TAMM41: variants seen among roughly 807,000 people sequenced by gnomAD.
The protein encoded by TAMM41 is TAM41 mitochondrial translocator assembly and maintenance homolog, also known as phosphatidate cytidylyltransferase, mitochondrial.
Under a neutral mutation model 44.1 loss-of-function variants are expected in TAMM41, and 36 were observed. That is an observed-to-expected ratio of 0.82 (90% CI 0.63 to 1.08). The LOEUF (loss-of-function observed/expected upper bound fraction) is 1.08. Among genes scored for constraint, TAMM41 ranks in the 50% least tolerant of loss-of-function variants. The pLI, the probability that TAMM41 is intolerant of heterozygous loss-of-function variation, is 0.00. For missense variants in TAMM41, 417 were observed against 404.3 expected (o/e 1.03, Z -0.27); for synonymous variants, 164 against 153.1 (o/e 1.07, Z -0.53).
the TAMM41 span, among the ~76,000 whole-genome samples, chr3:11,732,551 T>A: frequency 6.6e-6 from 1 of 152,142 alleles, no homozygotes; most frequent in African/African-American, 2.4e-5. Context: ...TCATTCGAAA[T>A]AGTGAAAAAA....
At chr3:11,781,048 A>G in the TAMM41 span, among the ~76,000 whole-genome samples, 34 of 152,276 alleles carry the variant, frequency 2.2e-4, no homozygotes, top group Middle Eastern at 3.4e-3. Context: ...ACTGTCTGGG[A>G]ACATTTTATT....
At chr3:11,829,229 T>C (rs2078882284) in intron 4 of TAMM41, among the ~76,000 whole-genome samples, 1 of 152,156 alleles carries the variant, frequency 6.6e-6, no homozygotes, top group Admixed American at 6.5e-5. Flanking sequence ...AACTTGTTTC[T>C]AAAAATAAAA....
intron 7 of TAMM41, among the ~76,000 whole-genome samples, chr3:11,793,083 A>AAAAATG (rs1553566249): frequency 7.5e-6 from 1 of 132,636 alleles, no homozygotes. Flanking sequence ...AAAAAAAAAA[A>AAAAATG]AGAGAGTGAA....
chr3:11,816,672 G>A (rs1178760526), intron 5 of TAMM41, among the ~76,000 whole-genome samples: 3 of 152,112 alleles, frequency 2.0e-5, no homozygotes, highest in South Asian at 2.1e-4. Context: ...AGGCTGAGGT[G>A]GGAGGATGGC....
At chr3:11,790,652 T>G (rs2077457667) in intron 7 of TAMM41, 71 bp from the exon 8 acceptor site, 4 of 1,357,650 alleles carry the variant, frequency 2.9e-6, no homozygotes, top group Non-Finnish European at 4.2e-6. Context: ...TTCAGTGACA[T>G]TCTGAGCAGA....
At chr3:11,788,121 T>G (rs2077427621), downstream of TAMM41, among the ~76,000 whole-genome samples, 1 of 152,090 alleles carries the variant, frequency 6.6e-6, no homozygotes, top group South Asian at 2.1e-4. Context: ...AGTCACTTCC[T>G]CTCCAGAGGC....
the TAMM41 span, among the ~76,000 whole-genome samples, chr3:11,772,324 G>A: frequency 2.4e-4 from 35 of 148,160 alleles, no homozygotes; most frequent in African/African-American, 5.0e-4. Flanking sequence ...CTCGTGATCC[G>A]CCCTCCTTGG....
chr3:11,736,884 G>T, the TAMM41 span, among the ~76,000 whole-genome samples: 1 of 152,212 alleles, frequency 6.6e-6, no homozygotes, highest in East Asian at 1.9e-4. Flanking sequence ...CCTCCCTGGG[G>T]CTAAGACACA....
At chr3:11,748,474 G>C in the TAMM41 span, among the ~76,000 whole-genome samples, 1 of 151,826 alleles carries the variant, frequency 6.6e-6, no homozygotes, top group East Asian at 1.9e-4. Flanking sequence ...GTACAGTGCA[G>C]TGGTGTAATC....
At chr3:11,743,333 C>A in the TAMM41 span, among the ~76,000 whole-genome samples, 1 of 119,580 alleles carries the variant, frequency 8.4e-6, no homozygotes, top group Non-Finnish European at 1.7e-5. Flanking sequence ...ACCTAATAAT[C>A]TCTTTTTTTT....
the TAMM41 span, among the ~76,000 whole-genome samples, chr3:11,753,374 C>T: frequency 1.5e-3 from 230 of 151,940 alleles, no homozygotes; most frequent in African/African-American, 5.3e-3. Flanking sequence ...GCAAAGGATG[C>T]AGTGAGCCAA....
the TAMM41 span, among the ~76,000 whole-genome samples, chr3:11,752,516 G>A: frequency 1.3e-5 from 2 of 151,124 alleles, no homozygotes; most frequent in South Asian, 2.1e-4. Flanking sequence ...TAGCTACAGA[G>A]TGCTGATTAG....
chr3:11,725,430 C>CCTT, the TAMM41 span, among the ~76,000 whole-genome samples: 106 of 70,646 alleles, frequency 1.5e-3, 2 homozygotes, highest in East Asian at 6.6e-3. Context: ...CTTCTTTCCT[C>CCTT]CTCCTCCTCC....
the TAMM41 span, among the ~76,000 whole-genome samples, chr3:11,750,018 T>C: frequency 6.6e-6 from 1 of 151,442 alleles, no homozygotes; most frequent in African/African-American, 2.4e-5. Context: ...TGCCTCAGCC[T>C]CCCGAGTAGC....
chr3:11,805,643 A>C (rs1398076085), intron 7 of TAMM41, among the ~76,000 whole-genome samples: 1 of 152,188 alleles, frequency 6.6e-6, no homozygotes, highest in African/African-American at 2.4e-5. Context: ...GGAGTATCCA[A>C]GCAGCTGGGC....
At chr3:11,819,466 C>T (rs7615782) in intron 4 of TAMM41, among the ~76,000 whole-genome samples, 112,257 of 152,184 alleles carry the variant, frequency 0.74, 42,627 homozygotes, top group East Asian at 0.98. Flanking sequence ...ACTTATAATA[C>T]TGAAAGCATC....
the TAMM41 span, among the ~76,000 whole-genome samples, chr3:11,773,845 T>G: frequency 6.6e-6 from 1 of 152,072 alleles, no homozygotes; most frequent in Non-Finnish European, 1.5e-5. Flanking sequence ...TCCCAGCACT[T>G]TGGGAAGCTG....
the TAMM41 span, among the ~76,000 whole-genome samples, chr3:11,735,476 G>A: frequency 0.066 from 9,984 of 150,304 alleles, 1,101 homozygotes; most frequent in African/African-American, 0.23. Flanking sequence ...CCTACAAAAA[G>A]TACAAAAATT....
At chr3:11,758,342 GT>G in the TAMM41 span, among the ~76,000 whole-genome samples, 1 of 134,234 alleles carries the variant, frequency 7.4e-6, no homozygotes, top group African/African-American at 2.5e-5. Context: ...TGGGGTTTTT[GT>G]TTTGTATTGT....
Sources: gnomAD v4.1 joint callset for allele counts (sites outside exome capture counted in the v4.1 genomes callset) on GRCh38, gnomAD v4.1.1 for gene constraint, MANE v1.5 for transcripts, NCBI Gene and HGNC (gene_info 2026-07-23, HGNC 2026-07-21) for gene names.